The following SRP72 variants were observed in gnomAD, a reference collection of about 807,000 sequenced individuals.
SRP72 encodes signal recognition particle subunit SRP72.
Under a neutral mutation model 96.3 loss-of-function variants are expected in SRP72, and 49 were observed. That is an observed-to-expected ratio of 0.51 (90% CI 0.40 to 0.65). The LOEUF is 0.65. SRP72 is among the 30% of genes least tolerant of loss of function. The pLI, the probability that SRP72 is intolerant of heterozygous loss-of-function variation, is 0.00. For missense variants in SRP72, 736 were observed against 793.3 expected, an observed-to-expected ratio of 0.93 and a Z score of 0.87; for synonymous variants, 267 against 275.2, an observed-to-expected ratio of 0.97 and a Z score of 0.30.
At chr4:56,501,011 CTAAA>C (rs1384831533) in intron 18 of SRP72, among the ~76,000 whole-genome samples, 22 of 152,014 alleles carry the variant, frequency 1.4e-4, no homozygotes, top group Admixed American at 1.3e-4. Flanking sequence ...AGTCATTCAA[CTAAA>C]TAAATATCTA....
intron 17 of SRP72, among the ~76,000 whole-genome samples, chr4:56,498,728 T>C (rs1297847809): frequency 6.6e-6 from 1 of 152,196 alleles, no homozygotes. Flanking sequence ...GTGAAGGACC[T>C]CTTCAAGGAG....
In SRP72 at chr4:56,484,783, C is replaced by G; in HGVS notation, c.1005C>G (p.Pro335=). 6.2e-7 allele frequency: 1 copy of G among 1,614,136 alleles called. No individual in the cohort carries two copies. The highest frequency in any genetic ancestry group is 8.5e-7 in the Non-Finnish European group (1 of 1,180,032). The change falls in exon 10 of 19, where the codon CCC becomes CCG. Residue 335 remains proline (P), a synonymous_variant. Transcript: ENST00000642900. ...KISASLQSQS[P]EHLLPVLIQA... is the part of the protein sequence containing the mutation. ...CTGCCAGTTTACAGTCCCAAAGTCC[C>G]GAGCATCTCTTACCTGTGTTAATCC...
intron 16 of SRP72, among the ~76,000 whole-genome samples, chr4:56,493,966 C>T (rs748614528): frequency 3.3e-5 from 5 of 152,102 alleles, no homozygotes; most frequent in African/African-American, 4.8e-5. Context: ...AGGAGTACAC[C>T]GGAGGGAATA....
At chr4:56,501,265 G>A (rs983704516) in intron 18 of SRP72, among the ~76,000 whole-genome samples, 6 of 151,896 alleles carry the variant, frequency 4.0e-5, no homozygotes, top group African/African-American at 7.3e-5. Context: ...AAAATTAGCC[G>A]GGTGTGGTAG....
Position 56,467,707 on chromosome 4 carries a change from C to T in SRP72, c.72C>T (p.Asn24=), listed in dbSNP as rs907094215. The change falls in exon 1 of 19, where the codon AAC becomes AAT. Residue 24 remains asparagine, a synonymous_variant. Coordinates refer to ENST00000642900, the MANE Select transcript of SRP72 (RefSeq NM_006947.4). The part of the protein sequence containing the change: ...LWSEVNRYGQ[N]GDFTRALKTV... ...GTGAAGTGAACCGGTATGGCCAGAA[C>T]GGCGACTTCACGCGCGCTCTCAAGA... The T allele has an allele frequency of 6.4e-7, 1 of 1,552,660 alleles. No homozygotes were observed. The highest frequency in any genetic ancestry group is 8.7e-7 in the Non-Finnish European group (1 of 1,152,454).
chr4:56,490,799 AGT>A (rs1398063582), intron 15 of SRP72, among the ~76,000 whole-genome samples, 154 bp downstream of exon 15: 5 of 152,204 alleles, frequency 3.3e-5, no homozygotes, highest in African/African-American at 1.2e-4. Flanking sequence ...TTTATTGATC[AGT>A]GTGACTGAAA....
chr4:56,500,468 C>A, intron 17 of SRP72, 68 bp from the exon 18 acceptor site: 1 of 1,481,750 alleles, frequency 6.7e-7, no homozygotes, highest in Non-Finnish European at 9.2e-7. Flanking sequence ...GGCTTAGAGA[C>A]ATCGTTTAAA....
At position 56,503,639 on chromosome 4, in the gene SRP72, T is replaced by A. The variant is rs1407901226; in HGVS notation, c.*1778T>A. 1 of 152,234 alleles carries A rather than the reference T, an allele frequency of 6.6e-6. No individual in the cohort carries two copies. The highest frequency in any genetic ancestry group is 2.1e-4 in the South Asian group (1 of 4,832). The allele number at this position is 152,234 out of a possible 1,614,324, so 9.4% of individuals were successfully genotyped here. ...AACCAGTATGGATACATCCATTCAC[T>A]GTGGTACATTTTAAAATAAAATATT... On this transcript the variant is annotated 3_prime_UTR_variant, in exon 19 of 19. Transcript: ENST00000642900.
intron 8 of SRP72, among the ~76,000 whole-genome samples, chr4:56,482,285 C>CA (rs536857516): frequency 0.021 from 2,833 of 133,868 alleles, 100 homozygotes; most frequent in African/African-American, 0.07. Context: ...ACTAAAAATA[C>CA]AAAAAAAAAA....
intron 18 of SRP72, among the ~76,000 whole-genome samples, chr4:56,501,222 A>G (rs1370197005): frequency 6.6e-6 from 1 of 152,176 alleles, no homozygotes; most frequent in Non-Finnish European, 1.5e-5. Flanking sequence ...AGCTTGGCCA[A>G]TATGGTGAAA....
chr4:56,481,000 A>T (rs1001906583), intron 8 of SRP72, among the ~76,000 whole-genome samples: 1 of 152,212 alleles, frequency 6.6e-6, no homozygotes, highest in Non-Finnish European at 1.5e-5. Context: ...TGGATAGTTT[A>T]AAAAGTAGAT....
intron 2 of SRP72, among the ~76,000 whole-genome samples, chr4:56,470,088 C>T (rs560398132): frequency 2.7e-5 from 4 of 150,242 alleles, no homozygotes; most frequent in East Asian, 2.0e-4. Context: ...ATAACTCAGT[C>T]GAAGTTTCTT....
intron 6 of SRP72, among the ~76,000 whole-genome samples, chr4:56,477,745 C>T (rs1720304919): frequency 6.6e-6 from 1 of 152,064 alleles, no homozygotes; most frequent in Admixed American, 6.6e-5. Flanking sequence ...ACTGTTGTCT[C>T]CTAGTCTTGA....
intron 5 of SRP72, among the ~76,000 whole-genome samples, chr4:56,475,294 C>T (rs1307849314): frequency 1.3e-5 from 2 of 152,058 alleles, no homozygotes; most frequent in Admixed American, 6.6e-5. Flanking sequence ...CAGTGGCTCA[C>T]GCCTATAATC....
At chr4:56,470,320 C>T (rs1719925110) in intron 2 of SRP72, among the ~76,000 whole-genome samples, 1 of 152,100 alleles carries the variant, frequency 6.6e-6, no homozygotes, top group Non-Finnish European at 1.5e-5. Context: ...GAGGGCGGAT[C>T]ACGAGGTCAG....
Position 56,474,037 on chromosome 4 carries a change from T to C in SRP72, c.355-17T>C, listed in dbSNP as rs759724882. 1.9e-6 allele frequency: 3 copies of C among 1,599,226 alleles called. No individual in the cohort carries two copies. The highest frequency in any genetic ancestry group is 2.6e-6 in the Non-Finnish European group (3 of 1,174,352). On this transcript the variant is annotated splice_polypyrimidine_tract_variant and intron_variant, in intron 3 of 18. Coordinates refer to ENST00000642900, the MANE Select transcript of SRP72 (RefSeq NM_006947.4). ...CCATATTTGTCTCTGATTTTTTACT[T>C]GCTATTTATTATTCAGTTATACCGT...
chr4:56,494,106 A>G (rs1257441545), intron 16 of SRP72, among the ~76,000 whole-genome samples: 2 of 152,186 alleles, frequency 1.3e-5, no homozygotes, highest in Admixed American at 1.3e-4. Flanking sequence ...GAAATAGCAG[A>G]GAACCCTTGG....
chr4:56,488,783 G>T (rs1720807492), intron 12 of SRP72, among the ~76,000 whole-genome samples: 1 of 151,978 alleles, frequency 6.6e-6, no homozygotes, highest in Non-Finnish European at 1.5e-5. Flanking sequence ...TCCTGATATT[G>T]GTTATTCATG....
intron 9 of SRP72, among the ~76,000 whole-genome samples, chr4:56,484,026 A>ATTTTTTTTTTATTTTTTTT (rs1720606987): frequency 1.2e-5 from 1 of 86,606 alleles, no homozygotes; most frequent in African/African-American, 5.0e-5. Context: ...AGAAGCAGTA[A>ATTTTTTTTTTATTTTTTTT]TTTTTTTTTT....
Sources: gnomAD v4.1 joint callset for allele counts (sites outside exome capture counted in the v4.1 genomes callset) on GRCh38, gnomAD v4.1.1 for gene constraint, MANE v1.5 for transcripts, NCBI Gene and HGNC (gene_info 2026-07-23, HGNC 2026-07-21) for gene names.